Variants in PHF24 observed in about 807,000 individuals in gnomAD.
The protein encoded by PHF24 is Galpha inhibitory interacting protein.
A neutral mutation model predicts 42.6 loss-of-function variants in PHF24; 25 were observed. The observed-to-expected ratio is 0.59, with a 90% CI of 0.43 to 0.82. PHF24 has a LOEUF of 0.82. PHF24 is among the 40% of genes least tolerant of loss of function. The pLI, the probability that PHF24 is intolerant of heterozygous loss-of-function variation, is 0.00. For synonymous variants in PHF24, 185 were observed against 204.8 expected (o/e 0.90, Z 0.83); for missense variants, 470 against 538.1 (o/e 0.87, Z 1.25).
the PHF24 span, among the ~76,000 whole-genome samples, chr9:34,886,746 A>ATCTGTCTG: frequency 0.31 from 37,032 of 119,242 alleles, 4,750 homozygotes; most frequent in South Asian, 0.4. Context: ...ATATCTATCT[A>ATCTGTCTG]TCTATCTATC....
chr9:34,804,557 T>C, the PHF24 span, among the ~76,000 whole-genome samples: 1 of 152,194 alleles, frequency 6.6e-6, no homozygotes, highest in Non-Finnish European at 1.5e-5. Flanking sequence ...TTTATCTACA[T>C]TATTTTATTA....
At chr9:34,836,231 G>A in the PHF24 span, among the ~76,000 whole-genome samples, 1 of 152,190 alleles carries the variant, frequency 6.6e-6, no homozygotes, top group East Asian at 1.9e-4. Context: ...GGTATGGTGG[G>A]CTGGGGGTTA....
At chr9:34,769,551 G>GC in the PHF24 span, among the ~76,000 whole-genome samples, 1 of 152,144 alleles carries the variant, frequency 6.6e-6, no homozygotes, top group East Asian at 1.9e-4. Flanking sequence ...TGGTTAGGGG[G>GC]CCCAATTAGA....
the PHF24 span, chr9:34,838,425 G>T: frequency 7.7e-7 from 1 of 1,292,560 alleles, no homozygotes; most frequent in Non-Finnish European, 1.1e-6. Flanking sequence ...TTACAATAAC[G>T]ATGAAGATGG....
the PHF24 span, among the ~76,000 whole-genome samples, chr9:34,743,820 C>T: frequency 6.6e-6 from 1 of 152,140 alleles, no homozygotes; most frequent in African/African-American, 2.4e-5. Flanking sequence ...GATAATTTAT[C>T]ATGAACAGAG....
At chr9:34,800,602 A>G in the PHF24 span, among the ~76,000 whole-genome samples, 11 of 152,206 alleles carry the variant, frequency 7.2e-5, no homozygotes, top group Non-Finnish European at 1.6e-4. Context: ...TGCCGGGAAA[A>G]CTGGCTAGCC....
At chr9:34,683,812 T>C in the PHF24 span, among the ~76,000 whole-genome samples, 2 of 152,200 alleles carry the variant, frequency 1.3e-5, no homozygotes, top group Non-Finnish European at 2.9e-5. Flanking sequence ...GACTTTTTTT[T>C]CCTGTGTCCA....
At chr9:34,796,333 A>G in the PHF24 span, among the ~76,000 whole-genome samples, 20 of 152,266 alleles carry the variant, frequency 1.3e-4, 1 homozygote, top group East Asian at 3.1e-3. Context: ...ATTCTTAGAC[A>G]TGATACTAAA....
the PHF24 span, chr9:34,833,512 A>T: frequency 6.4e-7 from 1 of 1,551,308 alleles, no homozygotes; most frequent in Admixed American, 2.0e-5. Flanking sequence ...TTAGACTTTC[A>T]AGAGACTTCT....
At chr9:34,898,648 T>C in the PHF24 span, among the ~76,000 whole-genome samples, 7 of 152,362 alleles carry the variant, frequency 4.6e-5, no homozygotes, top group South Asian at 1.2e-3. Flanking sequence ...AGCTTTTTAG[T>C]AGCAGGTCAT....
At chr9:34,776,726 G>A in the PHF24 span, among the ~76,000 whole-genome samples, 32 of 152,136 alleles carry the variant, frequency 2.1e-4, no homozygotes, top group Non-Finnish European at 4.3e-4. Context: ...TGTTGCTGGT[G>A]AATTATTGAA....
the PHF24 span, among the ~76,000 whole-genome samples, chr9:34,814,251 T>C: frequency 6.6e-6 from 1 of 152,202 alleles, no homozygotes; most frequent in Non-Finnish European, 1.5e-5. Context: ...TTTTCTGTTT[T>C]GTTTTGTCTT....
the PHF24 span, among the ~76,000 whole-genome samples, chr9:34,927,677 A>C: frequency 6.6e-6 from 1 of 152,088 alleles, no homozygotes; most frequent in East Asian, 1.9e-4. Flanking sequence ...GGTGGGGGAG[A>C]CAGGGCTATA....
chr9:34,949,492 T>C, the PHF24 span, among the ~76,000 whole-genome samples: 1 of 152,170 alleles, frequency 6.6e-6, no homozygotes, highest in Non-Finnish European at 1.5e-5. Flanking sequence ...AGCAATCCCA[T>C]TGCTGGGTAT....
At chr9:34,767,706 A>ACCCACTGTCCTGCG in the PHF24 span, among the ~76,000 whole-genome samples, 1 of 152,200 alleles carries the variant, frequency 6.6e-6, no homozygotes, top group Non-Finnish European at 1.5e-5. Flanking sequence ...GGTGCGCTGC[A>ACCCACTGTCCTGCG]CCCACTGTCC....
At chr9:34,795,051 A>G in the PHF24 span, among the ~76,000 whole-genome samples, 53 of 152,154 alleles carry the variant, frequency 3.5e-4, no homozygotes, top group Non-Finnish European at 5.4e-4. Context: ...TGAAAAATAA[A>G]GATAAAGAAA....
the PHF24 span, among the ~76,000 whole-genome samples, chr9:34,830,864 C>T: frequency 2.9e-4 from 44 of 151,544 alleles, 1 homozygote; most frequent in Non-Finnish European, 5.2e-4. Flanking sequence ...CTCAGCCTCC[C>T]TCTTGGACTT....
the PHF24 span, among the ~76,000 whole-genome samples, chr9:34,761,521 A>G: frequency 6.6e-6 from 1 of 152,138 alleles, no homozygotes; most frequent in Non-Finnish European, 1.5e-5. Context: ...AAGATGAAGT[A>G]CCTTCTCAAA....
At chr9:34,832,417 C>G in the PHF24 span, 2 of 1,272,782 alleles carry the variant, frequency 1.6e-6, no homozygotes, top group Non-Finnish European at 2.2e-6. Context: ...AGCTTATTGT[C>G]TAGGGACTGG....
Sources: gnomAD v4.1 joint callset for allele counts (sites outside exome capture counted in the v4.1 genomes callset) on GRCh38, gnomAD v4.1.1 for gene constraint, MANE v1.5 for transcripts, NCBI Gene and HGNC (gene_info 2026-07-23, HGNC 2026-07-21) for gene names.